Variants in MMP26 observed in about 807,000 individuals in gnomAD.
MMP26 encodes matrix metallopeptidase 26.
Under a neutral mutation model 31.0 loss-of-function variants are expected in MMP26, and 33 were observed. The observed-to-expected ratio is 1.06, with a 90% confidence interval of 0.81 to 1.42. The LOEUF (loss-of-function observed/expected upper bound fraction) is 1.42. Ranked by LOEUF, MMP26 falls within the 40% of genes most tolerant of loss-of-function variation. MMP26 has a pLI of 0.00. For missense variants in MMP26, 347 were observed against 316.1 expected (o/e 1.10, Z -0.74); for synonymous variants, 122 against 114.9 (o/e 1.06, Z -0.40).
chr11:4,842,629 T>A (rs1014179661), intron 2 of MMP26, among the ~76,000 whole-genome samples: 13 of 152,170 alleles, frequency 8.5e-5, no homozygotes, highest in African/African-American at 3.1e-4. Context: ...CGTTGGGAAT[T>A]ACAATTCAAC....
intron 2 of MMP26, among the ~76,000 whole-genome samples, chr11:4,972,422 C>A (rs1187567927): frequency 2.6e-5 from 4 of 151,986 alleles, no homozygotes; most frequent in African/African-American, 9.7e-5. Flanking sequence ...GTAAATAAAG[C>A]ATTGTTTATT....
chr11:4,907,328 T>C (rs758104175), intron 2 of MMP26: 24 of 1,356,700 alleles, frequency 1.8e-5, no homozygotes, highest in East Asian at 2.3e-5. Flanking sequence ...TTTTCATTTA[T>C]ATGGTTTCAG....
At position 4,930,178 on chromosome 11, in the gene MMP26, A is replaced by T. The variant is rs1182200348; in HGVS notation, c.-144-57890A>T. On this transcript the variant is annotated intron_variant, in intron 2 of 7. Transcript: ENST00000380390. ...AAAGTACAGTTTTTTGTTGTTGTTG[A>T]TCATCTTCAATCAGATTCTAAAGAT... 1.9e-4 allele frequency among the ~76,000 whole-genome samples: 29 copies of T among 152,084 alleles called. 2 individuals are homozygous for T. The highest frequency in any genetic ancestry group is 1.9e-3 in the Admixed American group (29 of 15,252).
At chr11:4,748,892 G>A (rs543973998) in intron 1 of MMP26, among the ~76,000 whole-genome samples, 2 of 152,138 alleles carry the variant, frequency 1.3e-5, no homozygotes, top group Admixed American at 1.3e-4. Context: ...ACAAGGCAAG[G>A]ATGCCTACTT....
At chr11:4,983,275 A>G (rs1388579339) in intron 2 of MMP26, among the ~76,000 whole-genome samples, 4 of 152,070 alleles carry the variant, frequency 2.6e-5, no homozygotes, top group Non-Finnish European at 4.4e-5. Context: ...ATTACCCTCT[A>G]TGCTCTCTAT....
At chr11:4,770,279 G>A (rs968069886) in intron 2 of MMP26, among the ~76,000 whole-genome samples, 8 of 152,126 alleles carry the variant, frequency 5.3e-5, no homozygotes, top group African/African-American at 1.9e-4. Context: ...CCTCAATTTT[G>A]AATATTTTGT....
chr11:4,984,704 T>A (rs1026748332), intron 2 of MMP26, among the ~76,000 whole-genome samples: 3 of 152,200 alleles, frequency 2.0e-5, no homozygotes, highest in Admixed American at 2.0e-4. Flanking sequence ...GTTAGTAAAT[T>A]TGTCAATTGA....
At chr11:4,766,988 A>G (rs1848640790) in intron 1 of MMP26, among the ~76,000 whole-genome samples, 2 of 152,178 alleles carry the variant, frequency 1.3e-5, no homozygotes, top group South Asian at 4.1e-4. Context: ...AGACTCTCAC[A>G]TATAAAAGTC....
At chr11:4,845,213 T>C (rs1849850677) in intron 2 of MMP26, among the ~76,000 whole-genome samples, 1 of 152,024 alleles carries the variant, frequency 6.6e-6, no homozygotes, top group South Asian at 2.1e-4. Flanking sequence ...AAATAAAAGA[T>C]ATCTACAATG....
chr11:4,821,999 A>G (rs1849511923), intron 2 of MMP26: 2 of 1,614,062 alleles, frequency 1.2e-6, no homozygotes, highest in Non-Finnish European at 1.7e-6. Flanking sequence ...TCCTGCACAG[A>G]CAATAGGATC....
chr11:4,910,341 A>G (rs1459239834), intron 2 of MMP26, among the ~76,000 whole-genome samples: 1 of 152,098 alleles, frequency 6.6e-6, no homozygotes, highest in Admixed American at 6.6e-5. Flanking sequence ...TCCCCTGGAT[A>G]ATCTTGGATA....
intron 2 of MMP26, among the ~76,000 whole-genome samples, chr11:4,779,712 A>C (rs1589898193): frequency 1.3e-5 from 2 of 152,184 alleles, no homozygotes; most frequent in East Asian, 1.9e-4. Flanking sequence ...GAAAATGTCA[A>C]ATTTCATCTA....
intron 2 of MMP26, among the ~76,000 whole-genome samples, chr11:4,782,128 C>G (rs1262342082): frequency 6.6e-6 from 1 of 152,148 alleles, no homozygotes; most frequent in Non-Finnish European, 1.5e-5. Flanking sequence ...ATGGAAGTGA[C>G]TTTGGAACTG....
At chr11:4,946,887 C>T (rs2412467) in intron 2 of MMP26, 51,603 of 1,605,552 alleles carry the variant, frequency 0.032, 2,435 homozygotes, top group Middle Eastern at 0.053. Context: ...AAACCCAAGT[C>T]TGACATAGCC....
chr11:4,988,280 T>G lies in MMP26; in HGVS notation c.69T>G (p.Ala23=). The change falls in exon 3 of 8, where the codon GCT becomes GCG. Residue 23 remains alanine (A), a synonymous_variant. Transcript: ENST00000380390. ...GTTTCGCCGTTCCAGTGCCCCCTGC[T>G]GCAGACCATAAAGGATGGGACTTTG... The part of the protein sequence containing the change: ...PWCFAVPVPP[A]ADHKGWDFVE... The G allele has an allele frequency of 1.2e-6, 2 of 1,614,126 alleles. No homozygotes were observed. The highest frequency in any genetic ancestry group is 1.7e-6 in the Non-Finnish European group (2 of 1,180,026).
chr11:4,835,591 T>C (rs1035190688), intron 2 of MMP26, among the ~76,000 whole-genome samples: 6 of 152,010 alleles, frequency 3.9e-5, no homozygotes, highest in East Asian at 1.9e-4. Context: ...GAGAGAGCAA[T>C]TGAGGCTCTG....
chr11:4,833,195 A>C (rs1404428224), intron 2 of MMP26: 2 of 152,218 alleles, frequency 1.3e-5, no homozygotes, highest in Non-Finnish European at 2.9e-5. Flanking sequence ...TTAATTAATT[A>C]ATTGTTCAAT....
chr11:4,929,189 T>C (rs887156603), intron 2 of MMP26, among the ~76,000 whole-genome samples: 2 of 152,114 alleles, frequency 1.3e-5, no homozygotes, highest in Admixed American at 1.3e-4. Flanking sequence ...ATTATTATTA[T>C]ACTTTAAGTT....
intron 2 of MMP26, among the ~76,000 whole-genome samples, chr11:4,800,680 A>G (rs1849168397): frequency 6.6e-6 from 1 of 152,110 alleles, no homozygotes; most frequent in African/African-American, 2.4e-5. Flanking sequence ...CTTCTATCAC[A>G]TTGCCAGATT....
Sources: gnomAD v4.1 joint callset for allele counts (sites outside exome capture counted in the v4.1 genomes callset) on GRCh38, gnomAD v4.1.1 for gene constraint, MANE v1.5 for transcripts, NCBI Gene and HGNC (gene_info 2026-07-23, HGNC 2026-07-21) for gene names.